RALYL: variants seen among roughly 807,000 people sequenced by gnomAD.
The protein encoded by RALYL is RALY RNA binding protein like, also known as RNA-binding Raly-like protein.
In RALYL, 29 loss-of-function variants were observed where a neutral mutation model predicts 35.1. The ratio of observed to expected loss-of-function variants is 0.83; its 90% CI spans 0.61 to 1.13. The LOEUF is 1.13. Ranked by LOEUF, RALYL falls within the 50% of genes most tolerant of loss-of-function variation. RALYL has a pLI of 0.00. For missense variants in RALYL, 359 were observed against 360.4 expected, an observed-to-expected ratio of 1.00 and a Z score of 0.03; for synonymous variants, 120 against 127.6, an observed-to-expected ratio of 0.94 and a Z score of 0.40.
intron 1 of RALYL, among the ~76,000 whole-genome samples, chr8:84,357,724 C>T (rs1586572998): frequency 7.1e-6 from 1 of 140,700 alleles, no homozygotes. Flanking sequence ...TAGATTTTAA[C>T]CTTTTTCCTT....
At chr8:84,684,598 G>T (rs924439129) in intron 2 of RALYL, among the ~76,000 whole-genome samples, 2 of 152,174 alleles carry the variant, frequency 1.3e-5, no homozygotes, top group Non-Finnish European at 2.9e-5. Context: ...TGTGTTCAAA[G>T]AACTACAAAG....
chr8:84,264,016 G>C (rs1162892605), intron 1 of RALYL, among the ~76,000 whole-genome samples: 1 of 152,062 alleles, frequency 6.6e-6, no homozygotes, highest in Non-Finnish European at 1.5e-5. Flanking sequence ...TTCTATCATT[G>C]ATGGGCATTT....
chr8:84,322,962 A>G (rs2130459044), intron 1 of RALYL, among the ~76,000 whole-genome samples: 1 of 152,242 alleles, frequency 6.6e-6, no homozygotes, highest in East Asian at 1.9e-4. Context: ...AGTCACAAGT[A>G]TATATTATTC....
At chr8:84,607,585 C>T (rs1345535822) in intron 2 of RALYL, among the ~76,000 whole-genome samples, 1 of 152,078 alleles carries the variant, frequency 6.6e-6, no homozygotes, top group African/African-American at 2.4e-5. Context: ...GTGTCTTGCT[C>T]CACTCTTAAC....
At chr8:84,543,512 AAC>A (rs1352438181) in intron 2 of RALYL, among the ~76,000 whole-genome samples, 1 of 152,034 alleles carries the variant, frequency 6.6e-6, no homozygotes, top group Non-Finnish European at 1.5e-5. Flanking sequence ...AATAAAAAAA[AAC>A]AACTTAGTAA....
intron 1 of RALYL, among the ~76,000 whole-genome samples, chr8:84,188,984 A>T (rs975922809): frequency 6.6e-6 from 1 of 152,156 alleles, no homozygotes; most frequent in African/African-American, 2.4e-5. Flanking sequence ...AAATAGAGGC[A>T]TTGGTTTAAT....
At chr8:84,186,678 C>T (rs1415590988) in intron 1 of RALYL, among the ~76,000 whole-genome samples, 1 of 152,126 alleles carries the variant, frequency 6.6e-6, no homozygotes, top group East Asian at 1.9e-4. Flanking sequence ...AATGTGAGGA[C>T]AGAGAGGTAG....
At chr8:84,707,081 T>A (rs1232281454) in intron 2 of RALYL, among the ~76,000 whole-genome samples, 2 of 152,152 alleles carry the variant, frequency 1.3e-5, no homozygotes, top group African/African-American at 4.8e-5. Context: ...ATAAAGATAA[T>A]TTTTAGTGCG....
At chr8:84,329,002 T>C (rs935112527) in intron 1 of RALYL, among the ~76,000 whole-genome samples, 1 of 152,216 alleles carries the variant, frequency 6.6e-6, no homozygotes, top group Non-Finnish European at 1.5e-5. Flanking sequence ...TTATCCAGTC[T>C]ACCGGTGATG....
intron 1 of RALYL, among the ~76,000 whole-genome samples, chr8:84,338,297 T>TAC (rs1848187054): frequency 6.6e-6 from 1 of 151,994 alleles, no homozygotes; most frequent in South Asian, 2.1e-4. Flanking sequence ...CTCCTGTTCT[T>TAC]TAATATATTG....
intron 1 of RALYL, among the ~76,000 whole-genome samples, chr8:84,257,103 T>A (rs1831349820): frequency 6.6e-6 from 1 of 151,926 alleles, no homozygotes; most frequent in Admixed American, 6.6e-5. Context: ...TGATAAGATA[T>A]TTATTATTTT....
At chr8:84,675,933 C>T (rs1191461216) in intron 2 of RALYL, among the ~76,000 whole-genome samples, 1 of 152,116 alleles carries the variant, frequency 6.6e-6, no homozygotes, top group Non-Finnish European at 1.5e-5. Flanking sequence ...AAAAAGAGCA[C>T]ATGAATTGGT....
chr8:84,766,469 G>A (rs570388796), intron 2 of RALYL, among the ~76,000 whole-genome samples: 2 of 151,312 alleles, frequency 1.3e-5, no homozygotes, highest in East Asian at 1.9e-4. Flanking sequence ...CAAGGTGGGT[G>A]GATCACGAGT....
intron 8 of RALYL, among the ~76,000 whole-genome samples, chr8:84,888,423 G>A (rs994782949): frequency 1.2e-4 from 18 of 152,206 alleles, no homozygotes; most frequent in African/African-American, 4.1e-4. Context: ...ATGCTGATGA[G>A]GATGTTATTT....
At chr8:84,713,467 C>A (rs910363456) in intron 2 of RALYL, among the ~76,000 whole-genome samples, 3 of 151,656 alleles carry the variant, frequency 2.0e-5, no homozygotes, top group Non-Finnish European at 4.4e-5. Context: ...GAAAAAAGTT[C>A]AAAATCACTA....
intron 1 of RALYL, among the ~76,000 whole-genome samples, chr8:84,219,937 A>T (rs1821787639): frequency 6.6e-6 from 1 of 152,040 alleles, no homozygotes; most frequent in African/African-American, 2.4e-5. Context: ...ATGCCTTGTG[A>T]TGTAAAACTG....
At chr8:84,454,068 G>T (rs2049844816) in intron 1 of RALYL, among the ~76,000 whole-genome samples, 1 of 152,018 alleles carries the variant, frequency 6.6e-6, no homozygotes, top group Non-Finnish European at 1.5e-5. Flanking sequence ...CAGAAGTAAT[G>T]CATCTTTGGT....
intron 6 of RALYL, among the ~76,000 whole-genome samples, chr8:84,865,731 G>A (rs553375438): frequency 6.6e-6 from 1 of 152,186 alleles, no homozygotes; most frequent in African/African-American, 2.4e-5. Context: ...AAAAAAATTC[G>A]ATCAAGTCAA....
chr8:84,789,164 T>C (rs1820231102), intron 3 of RALYL, among the ~76,000 whole-genome samples: 1 of 152,202 alleles, frequency 6.6e-6, no homozygotes, highest in South Asian at 2.1e-4. Context: ...CTATCATCAA[T>C]GCAGAGCAAC....
Sources: allele counts gnomAD v4.1 joint callset (sites outside exome capture counted in the v4.1 genomes callset), GRCh38; gene constraint gnomAD v4.1.1; transcripts MANE v1.5; gene names NCBI Gene and HGNC (gene_info 2026-07-23, HGNC 2026-07-21).